ESR1: variants seen among roughly 807,000 people sequenced by gnomAD.
ESR1 encodes estrogen receptor 1, also known as estrogen receptor.
ESR1 carries 12 observed loss-of-function variants against 52.7 expected under a neutral mutation model. That is an observed-to-expected ratio of 0.23 (90% CI 0.15 to 0.37). The LOEUF (loss-of-function observed/expected upper bound fraction) is 0.37, where lower values mean the gene tolerates loss of function less well. ESR1 is among the 10% of genes least tolerant of loss of function. The pLI, the probability that ESR1 is intolerant of heterozygous loss-of-function variation, is 1.00. For missense variants in ESR1, 584 were observed against 779.7 expected (o/e 0.75, Z 2.99); for synonymous variants, 305 against 316.8 (o/e 0.96, Z 0.39).
At chr6:151,899,246 C>CG (rs1346274876) in intron 3 of ESR1, among the ~76,000 whole-genome samples, 3 of 137,400 alleles carry the variant, frequency 2.2e-5, no homozygotes, top group Non-Finnish European at 4.7e-5. Context: ...GCTGGCCAGG[C>CG]GGGGGGCTGA....
chr6:152,091,594 G>A (rs1036231085), intron 6 of ESR1, among the ~76,000 whole-genome samples: 6 of 152,226 alleles, frequency 3.9e-5, no homozygotes, highest in African/African-American at 7.2e-5. Flanking sequence ...GAACCCACAC[G>A]CACCTTAAGG....
At chr6:151,736,883 T>G (rs1262284355) in intron 2 of ESR1, among the ~76,000 whole-genome samples, 2 of 152,028 alleles carry the variant, frequency 1.3e-5, no homozygotes, top group Non-Finnish European at 2.9e-5. Context: ...CTACTAAAAA[T>G]TGTGCTGTAT....
At chr6:151,740,107 A>AT (rs1300112880) in intron 2 of ESR1, among the ~76,000 whole-genome samples, 1 of 151,124 alleles carries the variant, frequency 6.6e-6, no homozygotes, top group Non-Finnish European at 1.5e-5. Context: ...TCTGCCACTG[A>AT]TTTTTTCTTT....
At chr6:151,732,242 C>T (rs1782302196) in intron 2 of ESR1, among the ~76,000 whole-genome samples, 1 of 152,122 alleles carries the variant, frequency 6.6e-6, no homozygotes, top group Admixed American at 6.5e-5. Flanking sequence ...GGGCATGAGT[C>T]TCATCAGGCG....
At chr6:151,787,295 CT>C (rs1163677142) in intron 2 of ESR1, among the ~76,000 whole-genome samples, 2 of 152,076 alleles carry the variant, frequency 1.3e-5, no homozygotes, top group Admixed American at 6.6e-5. Flanking sequence ...CAGCTTTGTT[CT>C]TTTTGCTTAG....
rs547103530 is a variant in ESR1, at chr6:151,928,874, A to T, written c.761-15299A>T. On this transcript the variant is annotated intron_variant, in intron 3 of 7. Transcript: ENST00000206249. ...CTAAATATTTCGATATTTTCCAGCT[A>T]TCTTTCTGTTGATTTCTAATTTATT... Among the ~76,000 whole-genome samples the T allele has an allele frequency of 7.9e-5, 12 of 152,082 alleles. 1 individual carries two copies. In the South Asian group the frequency reaches 2.5e-3, roughly 32 times the overall value.
intron 3 of ESR1, among the ~76,000 whole-genome samples, chr6:151,897,764 T>G (rs1282957114): frequency 6.6e-6 from 1 of 152,152 alleles, no homozygotes; most frequent in African/African-American, 2.4e-5. Context: ...TTTAGTAGTA[T>G]TTTTGTTTTA....
At chr6:151,845,523 C>T (rs1358927597) in intron 2 of ESR1, among the ~76,000 whole-genome samples, 1 of 152,154 alleles carries the variant, frequency 6.6e-6, no homozygotes, top group Non-Finnish European at 1.5e-5. Flanking sequence ...GAGCTGAGAT[C>T]ATGCCACTGC....
chr6:151,683,786 C>T (rs2115307232), intron 1 of ESR1, among the ~76,000 whole-genome samples: 1 of 152,010 alleles, frequency 6.6e-6, no homozygotes, highest in South Asian at 2.1e-4. Context: ...GAAACCTCCA[C>T]CTCCCAGGTT....
At chr6:151,665,639 C>T (rs533832097) in intron 1 of ESR1, among the ~76,000 whole-genome samples, 1 of 152,158 alleles carries the variant, frequency 6.6e-6, no homozygotes, top group East Asian at 1.9e-4. Flanking sequence ...CTGAATTCAT[C>T]ATCCCTCCCT....
At chr6:151,898,405 C>CT (rs1175001141) in intron 3 of ESR1, among the ~76,000 whole-genome samples, 34 of 98,892 alleles carry the variant, frequency 3.4e-4, no homozygotes, top group South Asian at 1.7e-3. Context: ...TTTTTCTTTT[C>CT]TTTTTTTTTT....
At chr6:151,781,888 G>A (rs116649693) in intron 2 of ESR1, among the ~76,000 whole-genome samples, 77 of 152,318 alleles carry the variant, frequency 5.1e-4, no homozygotes, top group African/African-American at 1.8e-3. Context: ...AGAGTGTCTG[G>A]TATAAATGAT....
At position 151,994,194 on chromosome 6, in the gene ESR1, G is replaced by C. The variant is rs114264444; in HGVS notation, c.1097-17462G>C. On this transcript the variant is annotated intron_variant, in intron 4 of 7. Coordinates refer to ENST00000206249, the MANE Select transcript of ESR1 (RefSeq NM_000125.4). ...CAGTTTGAATTTTACATGTTCCGTG[G>C]ATATGGTTTATGCCAAATACCTTCT... is the stretch of plus-strand genomic sequence containing the variant. Among the ~76,000 whole-genome samples the C allele has an allele frequency of 4.1e-3, 623 of 152,220 alleles. 4 individuals are homozygous for C. Among genetic ancestry groups the C allele is most frequent in the African/African-American group, 0.014 (580 of 41,536 alleles).
intron 6 of ESR1, among the ~76,000 whole-genome samples, chr6:152,089,693 C>T (rs1260189653): frequency 6.6e-6 from 1 of 152,180 alleles, no homozygotes; most frequent in African/African-American, 2.4e-5. Context: ...ATTCTCCTGC[C>T]TCAGCCTCCC....
intron 4 of ESR1, among the ~76,000 whole-genome samples, chr6:151,956,823 A>ATATAT (rs2036985725): frequency 1.9e-5 from 1 of 53,026 alleles, no homozygotes; most frequent in African/African-American, 5.8e-5. Context: ...TATATATAAA[A>ATATAT]ATATATATAA....
intron 2 of ESR1, among the ~76,000 whole-genome samples, chr6:151,849,992 A>AAT (rs1433387040): frequency 1.9e-4 from 20 of 103,140 alleles, no homozygotes; most frequent in African/African-American, 3.8e-4. Context: ...ATATATATAT[A>AAT]TATATATATA....
chr6:151,986,599 CA>C (rs2040506044), intron 4 of ESR1, among the ~76,000 whole-genome samples: 1 of 152,090 alleles, frequency 6.6e-6, no homozygotes, highest in Non-Finnish European at 1.5e-5. Context: ...TTTGAAAACT[CA>C]TTAGGTATGT....
chr6:151,797,397 A>G (rs901883583), intron 2 of ESR1, among the ~76,000 whole-genome samples: 2 of 152,216 alleles, frequency 1.3e-5, no homozygotes, highest in Non-Finnish European at 1.5e-5. Flanking sequence ...AGAAAAGCCA[A>G]TGGAAATGGG....
Position 152,099,949 on chromosome 6 carries a change from G to A in ESR1, c.*983G>A, listed in dbSNP as rs1338198799. 7.5e-6 allele frequency: 3 copies of A among 398,862 alleles called. No homozygotes were observed. Among genetic ancestry groups the A allele is most frequent in the Non-Finnish European group, 1.3e-5 (3 of 226,400 alleles). 24.7% of individuals were successfully genotyped at this position (398,862 alleles called of 1,614,324 possible). On this transcript the variant is annotated 3_prime_UTR_variant, in exon 8 of 8. Coordinates refer to ENST00000206249, the MANE Select transcript of ESR1 (RefSeq NM_000125.4). ...GTAAATGGTAGTTGAAAGGAGCAGGGGCCCTGGTGTTGCATTTAGCCCTGG... is the reference window on the plus strand; with the variant it reads ...GTAAATGGTAGTTGAAAGGAGCAGGAGCCCTGGTGTTGCATTTAGCCCTGG...
Sources: allele counts gnomAD v4.1 joint callset (sites outside exome capture counted in the v4.1 genomes callset), GRCh38; gene constraint gnomAD v4.1.1; transcripts MANE v1.5; gene names NCBI Gene and HGNC (gene_info 2026-07-23, HGNC 2026-07-21).